Variants in THRB observed in about 807,000 individuals in gnomAD.
The protein encoded by THRB is thyroid hormone receptor beta.
Under a neutral mutation model 47.8 loss-of-function variants are expected in THRB, and 12 were observed. The ratio of observed to expected loss-of-function variants is 0.25; its 90% CI spans 0.16 to 0.41. THRB has a LOEUF of 0.41. THRB is among the 10% of genes least tolerant of loss of function. The probability of loss-of-function intolerance (pLI) is 1.00; values close to 1 mark genes in which losing one functional copy is unlikely to be tolerated. For missense variants in THRB, 348 were observed against 589.2 expected (o/e 0.59, Z 4.24); for synonymous variants, 218 against 212.2 (o/e 1.03, Z -0.24).
At chr3:24,484,957 C>T (rs1697072360) in intron 1 of THRB, among the ~76,000 whole-genome samples, 1 of 152,152 alleles carries the variant, frequency 6.6e-6, no homozygotes, top group Non-Finnish European at 1.5e-5. Context: ...CATAATGCCA[C>T]CCATTCCTGC....
intron 1 of THRB, among the ~76,000 whole-genome samples, chr3:24,388,933 G>C (rs2066342222): frequency 6.6e-6 from 1 of 152,128 alleles, no homozygotes; most frequent in African/African-American, 2.4e-5. Context: ...CTCTAGGTTG[G>C]TGGACATAGC....
At chr3:24,277,277 G>A (rs763534285) in intron 3 of THRB, among the ~76,000 whole-genome samples, 1 of 152,162 alleles carries the variant, frequency 6.6e-6, no homozygotes, top group Non-Finnish European at 1.5e-5. Context: ...CATCTAGTGG[G>A]TAGAGGCTAG....
chr3:24,391,828 C>T (rs187268531), intron 1 of THRB, among the ~76,000 whole-genome samples: 2 of 152,258 alleles, frequency 1.3e-5, no homozygotes, highest in East Asian at 1.9e-4. Context: ...GTGCCAGAAA[C>T]TGTCCTCAGA....
At chr3:24,405,261 C>A (rs1044513883) in intron 1 of THRB, among the ~76,000 whole-genome samples, 1 of 151,942 alleles carries the variant, frequency 6.6e-6, no homozygotes, top group Admixed American at 6.6e-5. Context: ...GGCGTTGGCA[C>A]GCTATATTCT....
chr3:24,317,268 G>A lies in THRB; in HGVS notation c.-188-19897C>T, dbSNP rs935786235. ...ATATGTGGAAACTTTCCAACTCTAG[G>A]GTGCTTGTGAGAAGTAAACAAGTTG... is the stretch of plus-strand genomic sequence containing the variant. On this transcript the variant is annotated intron_variant, in intron 2 of 10. Coordinates refer to ENST00000646209, the MANE Select transcript of THRB (RefSeq NM_001354712.2). 2.0e-5 allele frequency among the ~76,000 whole-genome samples: 3 copies of A among 152,022 alleles called. No homozygotes were observed. In the East Asian group the frequency reaches 5.8e-4, roughly 29 times the overall value.
chr3:24,239,387 A>AT (rs1473952400), intron 3 of THRB, among the ~76,000 whole-genome samples: 2 of 152,034 alleles, frequency 1.3e-5, no homozygotes, highest in Non-Finnish European at 2.9e-5. Flanking sequence ...ATCAAAGGTG[A>AT]TTTTCAGGAA....
chr3:24,275,739 G>A (rs73148335), intron 3 of THRB, among the ~76,000 whole-genome samples: 8,163 of 152,212 alleles, frequency 0.054, 708 homozygotes, highest in African/African-American at 0.18. Flanking sequence ...TGACTGACAG[G>A]AGACAGTGAA....
chr3:24,286,444 C>T (rs886747504), intron 3 of THRB, among the ~76,000 whole-genome samples: 1 of 152,140 alleles, frequency 6.6e-6, no homozygotes, highest in African/African-American at 2.4e-5. Context: ...ACCCTGTCAC[C>T]ATCATTGGCT....
chr3:24,331,124 A>C (rs901861337), intron 2 of THRB, among the ~76,000 whole-genome samples: 1 of 152,142 alleles, frequency 6.6e-6, no homozygotes, highest in Admixed American at 6.5e-5. Flanking sequence ...TCTTCTGAAA[A>C]ATGGCATTAC....
intron 6 of THRB, among the ~76,000 whole-genome samples, chr3:24,147,767 C>T (rs1340816536): frequency 6.6e-6 from 1 of 152,230 alleles, no homozygotes; most frequent in Non-Finnish European, 1.5e-5. Flanking sequence ...CAATATCCTT[C>T]TATCTTCCCT....
At chr3:24,236,469 T>C (rs2048888002) in intron 3 of THRB, among the ~76,000 whole-genome samples, 1 of 152,128 alleles carries the variant, frequency 6.6e-6, no homozygotes, top group African/African-American at 2.4e-5. Flanking sequence ...GCATCATCAT[T>C]ATTATAGATG....
chr3:24,208,077 G>T (rs1012465617), intron 4 of THRB, among the ~76,000 whole-genome samples: 1 of 152,038 alleles, frequency 6.6e-6, no homozygotes, highest in Non-Finnish European at 1.5e-5. Context: ...GCCAAATCAT[G>T]AGTGAACCTT....
In THRB at chr3:24,117,925, GAGA is replaced by G. The variant is rs1204279508; in HGVS notation, c.*4956_*4958del. 2 of 152,202 alleles carry G rather than the reference GAGA, an allele frequency of 1.3e-5. No individual in the cohort carries two copies. The highest frequency in any genetic ancestry group is 4.8e-5 in the African/African-American group (2 of 41,446). 9.4% of individuals were successfully genotyped at this position (152,202 alleles called of 1,614,324 possible). On this transcript the variant is annotated 3_prime_UTR_variant, in exon 11 of 11. Transcript: ENST00000646209. ...GTAATATTCCTGAATAATTTGAGATGAGAAGATGAATGTTGTCCTTGAGCTGCA... is the reference window on the plus strand; with the variant it reads ...GTAATATTCCTGAATAATTTGAGATGAGATGAATGTTGTCCTTGAGCTGCA...
chr3:24,182,088 A>C (rs981625176), intron 5 of THRB, among the ~76,000 whole-genome samples: 40 of 152,116 alleles, frequency 2.6e-4, no homozygotes, highest in African/African-American at 8.9e-4. Context: ...GTAGTCCCAG[A>C]TACTCGGGAG....
At chr3:24,422,205 G>T (rs143552338) in intron 1 of THRB, among the ~76,000 whole-genome samples, 2 of 152,064 alleles carry the variant, frequency 1.3e-5, no homozygotes, top group South Asian at 2.1e-4. Flanking sequence ...CTATCTAATT[G>T]TTCACAAAGC....
At position 24,118,058 on chromosome 3, in the gene THRB, A is replaced by C. The variant is rs940418858; in HGVS notation, c.*4826T>G. ...TTCTCTCCCTCCATAGTTTCTTCTC[A>C]AGTAAATTTGCTTATTCTAGTAGAT... On this transcript the variant is annotated 3_prime_UTR_variant, in exon 11 of 11. Coordinates refer to ENST00000646209, the MANE Select transcript of THRB (RefSeq NM_001354712.2). The C allele has an allele frequency of 6.6e-6, 1 of 152,332 alleles. No individual in the cohort carries two copies. The highest frequency in any genetic ancestry group is 2.4e-5 in the African/African-American group (1 of 41,436). 9.4% of individuals were successfully genotyped at this position (152,332 alleles called of 1,614,324 possible). A position where few individuals can be genotyped will look rare whatever the true frequency, so the allele number is the denominator to read the frequency against.
chr3:24,451,297 G>A (rs1321366971), intron 1 of THRB, among the ~76,000 whole-genome samples: 4 of 145,792 alleles, frequency 2.7e-5, no homozygotes, highest in African/African-American at 1.0e-4. Flanking sequence ...GCAGTGGCGC[G>A]ATCTCAGCTC....
At chr3:24,308,727 T>C (rs1036316554) in intron 2 of THRB, among the ~76,000 whole-genome samples, 1 of 152,242 alleles carries the variant, frequency 6.6e-6, no homozygotes, top group African/African-American at 2.4e-5. Context: ...TTGCCCATGG[T>C]ATAAACTCAA....
chr3:24,299,326 A>G (rs4858603), intron 2 of THRB, among the ~76,000 whole-genome samples: 38,328 of 151,018 alleles, frequency 0.25, 5,496 homozygotes, highest in Admixed American at 0.38. Flanking sequence ...GAGGAAACTA[A>G]GAATCATGCA....
Sources: allele counts gnomAD v4.1 joint callset (sites outside exome capture counted in the v4.1 genomes callset), GRCh38; gene constraint gnomAD v4.1.1; transcripts MANE v1.5; gene names NCBI Gene and HGNC (gene_info 2026-07-23, HGNC 2026-07-21).